The following KLHL20 variants were observed in gnomAD, a reference collection of about 807,000 sequenced individuals.
KLHL20 encodes the protein kelch-like protein 20.
Under a neutral mutation model 69.5 loss-of-function variants are expected in KLHL20, and 29 were observed. The ratio of observed to expected loss-of-function variants is 0.42; its 90% CI spans 0.31 to 0.57. The LOEUF (loss-of-function observed/expected upper bound fraction) is 0.57, where lower values mean the gene tolerates loss of function less well. Among genes scored for constraint, KLHL20 ranks in the 20% least tolerant of loss-of-function variants. KLHL20 has a pLI of 0.18. For synonymous variants in KLHL20, 253 were observed against 265.2 expected, an observed-to-expected ratio of 0.95 and a Z score of 0.45; for missense variants, 419 against 776.0, an observed-to-expected ratio of 0.54 and a Z score of 5.47.
chr1:173,744,290 T>C (rs1003704925), intron 3 of KLHL20, among the ~76,000 whole-genome samples: 2 of 152,164 alleles, frequency 1.3e-5, no homozygotes, highest in Non-Finnish European at 2.9e-5. Flanking sequence ...ATGTATAATT[T>C]TTGTGAATTG....
chr1:173,746,999 A>G (rs4628558), intron 3 of KLHL20, among the ~76,000 whole-genome samples: 1,911 of 151,748 alleles, frequency 0.013, 14 homozygotes, highest in Non-Finnish European at 0.019. Flanking sequence ...TAATTTCTAG[A>G]TGGAAGGGTT....
At chr1:173,743,556 A>AT (rs1306514556) in intron 3 of KLHL20, among the ~76,000 whole-genome samples, 1 of 151,314 alleles carries the variant, frequency 6.6e-6, no homozygotes, top group Non-Finnish European at 1.5e-5. Context: ...AAAAAACTCC[A>AT]TTTTCTGTCT....
rs146238663 is a variant in KLHL20, at chr1:173,758,860, G to T, written c.1151+1701G>T. Among the ~76,000 whole-genome samples the T allele has an allele frequency of 1.5e-4, 23 of 152,304 alleles. 1 individual carries two copies. In the East Asian group the frequency reaches 4.3e-3, roughly 28 times the overall value. ...TGAACTTTGTAACAATTTGAACAGGGTGAGAAGCCTCCTGACCAGAACTCA... is the reference window on the plus strand; with the variant it reads ...TGAACTTTGTAACAATTTGAACAGGTTGAGAAGCCTCCTGACCAGAACTCA... On this transcript the variant is annotated intron_variant, in intron 7 of 11. Transcript: ENST00000209884.
At chr1:173,759,173 C>T (rs1389075081) in intron 7 of KLHL20, among the ~76,000 whole-genome samples, 1 of 152,124 alleles carries the variant, frequency 6.6e-6, no homozygotes, top group East Asian at 1.9e-4. Context: ...CCTAGGTACA[C>T]AACTCAAGTG....
Position 173,734,057 on chromosome 1 carries a change from T to C in KLHL20, c.368T>C (p.Ile123Thr). 6.2e-7 allele frequency: 1 copy of C among 1,614,152 alleles called. No homozygotes were observed. The highest frequency in any genetic ancestry group is 8.5e-7 in the Non-Finnish European group (1 of 1,180,028). ...DIDERAMELL[I>T]DFAYTSQITV... ...GACGAGAGGGCTATGGAATTACTGA[T>C]TGACTTTGCGTATACCTCCCAGATA... The change falls in exon 3 of 12, where the codon ATT becomes ACT. Residue 123 changes from isoleucine (I) to threonine (T), a missense_variant. Ile to Thr is a moderately conservative substitution (Grantham distance 89). Around this residue, in one of 6 missense-constraint regions of KLHL20, gnomAD observed 129 missense variants for 183.6 expected, o/e 0.70. Coordinates refer to ENST00000209884, the MANE Select transcript of KLHL20 (RefSeq NM_014458.4).
At chr1:173,752,565 C>T (rs933206059) in intron 4 of KLHL20, among the ~76,000 whole-genome samples, 7 of 152,122 alleles carry the variant, frequency 4.6e-5, no homozygotes, top group African/African-American at 1.7e-4. Flanking sequence ...GAAATACTAC[C>T]ACACTTTCAA....
At chr1:173,750,972 C>T (rs1673283666) in intron 3 of KLHL20, among the ~76,000 whole-genome samples, 1 of 152,140 alleles carries the variant, frequency 6.6e-6, no homozygotes, top group South Asian at 2.1e-4. Flanking sequence ...CCAAGAGAAT[C>T]CATCAACTTC....
At chr1:173,726,259 G>T (rs1000162299) in intron 2 of KLHL20, among the ~76,000 whole-genome samples, 1 of 152,034 alleles carries the variant, frequency 6.6e-6, no homozygotes, top group Admixed American at 6.6e-5. Flanking sequence ...AAGCTCGAAC[G>T]TGGTGGAGCC....
rs1338906146 is a variant in KLHL20 at position 173,757,112 on chromosome 1, T to C, written c.1104T>C (p.Tyr368=). The C allele has an allele frequency of 1.4e-5, 23 of 1,614,060 alleles. No individual in the cohort carries two copies. Among genetic ancestry groups the C allele is most frequent in the Non-Finnish European group, 1.9e-5 (23 of 1,180,006 alleles). The change falls in exon 7 of 12, where the codon TAT becomes TAC. Residue 368 remains tyrosine (Y), a synonymous_variant. Coordinates refer to ENST00000209884, the MANE Select transcript of KLHL20 (RefSeq NM_014458.4). ...VGVSVLDDLL[Y]AVGGHDGSSY... ...TCAGTGTTCTTGATGATCTGTTATA[T>C]GCAGTAGGAGGCCATGATGGATCCT...
At chr1:173,728,545 C>G (rs1374044448) in intron 2 of KLHL20, among the ~76,000 whole-genome samples, 1 of 152,220 alleles carries the variant, frequency 6.6e-6, no homozygotes, top group African/African-American at 2.4e-5. Flanking sequence ...CAAACTGTCT[C>G]TCAGACCACA....
intron 3 of KLHL20, among the ~76,000 whole-genome samples, chr1:173,745,656 A>G (rs1673025508): frequency 6.6e-6 from 1 of 152,110 alleles, no homozygotes; most frequent in Admixed American, 6.6e-5. Context: ...TCACCTGCAT[A>G]TCAGTAGTTT....
At chr1:173,765,943 A>AT (rs145988071) in intron 7 of KLHL20, among the ~76,000 whole-genome samples, 173 of 152,236 alleles carry the variant, frequency 1.1e-3, no homozygotes, top group African/African-American at 4.0e-3. Flanking sequence ...TAATATTCTG[A>AT]TTTTTTTAAA....
chr1:173,727,401 G>A (rs149594704), intron 2 of KLHL20, among the ~76,000 whole-genome samples: 1,890 of 152,100 alleles, frequency 0.012, 38 homozygotes, highest in African/African-American at 0.041. Flanking sequence ...TACAGAGAAC[G>A]CCACAAAGAT....
chr1:173,738,819 A>G (rs573524314), intron 3 of KLHL20, among the ~76,000 whole-genome samples: 16 of 152,342 alleles, frequency 1.1e-4, no homozygotes, highest in African/African-American at 3.6e-4. Context: ...ATGTTAAACT[A>G]TCCCTTCATC....
chr1:173,745,396 CAA>C (rs1673011345), intron 3 of KLHL20, among the ~76,000 whole-genome samples: 3 of 151,916 alleles, frequency 2.0e-5, no homozygotes, highest in African/African-American at 7.3e-5. Context: ...TGCCTGACCT[CAA>C]ATGATCCGCC....
chr1:173,778,368 A>G (rs549963623), intron 10 of KLHL20, among the ~76,000 whole-genome samples: 1 of 152,244 alleles, frequency 6.6e-6, no homozygotes, highest in Non-Finnish European at 1.5e-5. Context: ...TGGCTCTGTC[A>G]CCAAGGTTGG....
intron 2 of KLHL20, among the ~76,000 whole-genome samples, 153 bp downstream of exon 2, chr1:173,716,219 A>G (rs1490014873): frequency 6.6e-6 from 1 of 152,220 alleles, no homozygotes; most frequent in Non-Finnish European, 1.5e-5. Flanking sequence ...TTAAGAATTA[A>G]TAGCTTTTTA....
At chr1:173,782,782 T>C (rs2102543420) in intron 11 of KLHL20, among the ~76,000 whole-genome samples, 1 of 152,354 alleles carries the variant, frequency 6.6e-6, no homozygotes, top group East Asian at 1.9e-4. Flanking sequence ...TAATTTTACT[T>C]TGCTTTTAAA....
At chr1:173,745,432 A>G (rs1673014022) in intron 3 of KLHL20, among the ~76,000 whole-genome samples, 1 of 151,872 alleles carries the variant, frequency 6.6e-6, no homozygotes, top group African/African-American at 2.4e-5. Context: ...CAAAGTGCTA[A>G]GATTACAGGT....
Sources: allele counts gnomAD v4.1 joint callset (sites outside exome capture counted in the v4.1 genomes callset), GRCh38; gene constraint gnomAD v4.1.1; regional missense constraint gnomAD v4.1.1; transcripts MANE v1.5; gene names NCBI Gene and HGNC (gene_info 2026-07-23, HGNC 2026-07-21).